The following PRKCB variants were observed in gnomAD, a reference collection of about 807,000 sequenced individuals.
The protein encoded by PRKCB is protein kinase C beta type.
Under a neutral mutation model 81.5 loss-of-function variants are expected in PRKCB, and 13 were observed. The ratio of observed to expected loss-of-function variants is 0.16; its 90% CI spans 0.10 to 0.25. The LOEUF (loss-of-function observed/expected upper bound fraction) is 0.25, where lower values mean the gene tolerates loss of function less well. Ranked by LOEUF, PRKCB falls within the 10% of genes least tolerant of loss-of-function variation. The pLI is 1.00. For synonymous variants in PRKCB, 335 were observed against 321.4 expected (o/e 1.04, Z -0.45); for missense variants, 509 against 875.7 (o/e 0.58, Z 5.29).
At chr16:23,838,321 C>T (rs1175003228) in intron 2 of PRKCB, among the ~76,000 whole-genome samples, 2 of 152,138 alleles carry the variant, frequency 1.3e-5, no homozygotes, top group African/African-American at 4.8e-5. Context: ...AGCTGAGAGC[C>T]GTCGTCGTAG....
At position 23,999,491 on chromosome 16, in the gene PRKCB, A is replaced by G. The variant is rs546453041; in HGVS notation, c.288+10901A>G. ...AACCTAGCTACTGAGCCAACCATTCAATAACAATGAGAATAGACAACATTT... is the reference window on the plus strand; with the variant it reads ...AACCTAGCTACTGAGCCAACCATTCGATAACAATGAGAATAGACAACATTT... On this transcript the variant is annotated intron_variant, in intron 3 of 16. Coordinates refer to ENST00000643927, the MANE Select transcript of PRKCB (RefSeq NM_002738.7). Among the ~76,000 whole-genome samples the G allele has an allele frequency of 3.9e-5, 6 of 152,340 alleles. No homozygotes were observed. The South Asian group carries it at 1.2e-3, about 32-fold the overall frequency.
chr16:24,108,369 T>A (rs1469572127), intron 7 of PRKCB, among the ~76,000 whole-genome samples: 1 of 148,682 alleles, frequency 6.7e-6, no homozygotes, highest in Admixed American at 6.7e-5. Context: ...TTATTTATTT[T>A]TTATTGATAA....
At chr16:23,924,851 A>G (rs1330357895) in intron 2 of PRKCB, among the ~76,000 whole-genome samples, 1 of 152,116 alleles carries the variant, frequency 6.6e-6, no homozygotes, top group East Asian at 1.9e-4. Context: ...GATGTATACA[A>G]TTTTTACTTG....
intron 5 of PRKCB, among the ~76,000 whole-genome samples, chr16:24,051,698 AC>A (rs1449615863): frequency 1.3e-5 from 2 of 151,664 alleles, no homozygotes; most frequent in South Asian, 2.1e-4. Flanking sequence ...ACATAGTGAG[AC>A]CCCTGTCCCT....
rs1054756319 is a variant in PRKCB at position 24,185,382 on chromosome 16, A to C, written c.1615-78A>C. Reference sequence around the variant, plus strand: ...GGCTTCACTGTGGGCCCCAGGGAGGAGGGTCTGCCAGTTGAGGGGAGCTAG... The same window carrying C: ...GGCTTCACTGTGGGCCCCAGGGAGGCGGGTCTGCCAGTTGAGGGGAGCTAG... On this transcript the variant is annotated intron_variant, in intron 14 of 16. Coordinates refer to ENST00000643927, the MANE Select transcript of PRKCB (RefSeq NM_002738.7). The C allele has an allele frequency of 1.5e-5, 20 of 1,362,206 alleles. No homozygotes were observed. The African/African-American group carries it at 2.6e-4, about 18-fold the overall frequency. 84.4% of individuals were successfully genotyped at this position (1,362,206 alleles called of 1,614,324 possible). A position where few individuals can be genotyped will look rare whatever the true frequency, so the allele number is the denominator to read the frequency against.
chr16:24,158,216 A>G (rs1158897762), intron 10 of PRKCB, among the ~76,000 whole-genome samples: 3 of 152,220 alleles, frequency 2.0e-5, no homozygotes, highest in East Asian at 3.8e-4. Context: ...GCATATGCTC[A>G]TTGAGTGAAA....
rs1963386205 is a variant in PRKCB at position 23,896,868 on chromosome 16, TCATCCATCCATCCAACCATCCATCCATC to T, written c.205+59477_205+59504del. Among the ~76,000 whole-genome samples, 4 of 149,138 alleles carry T rather than the reference TCATCCATCCATCCAACCATCCATCCATC, an allele frequency of 2.7e-5. No individual in the cohort carries two copies. In the South Asian group the frequency reaches 6.5e-4, roughly 24 times the overall value. On this transcript the variant is annotated intron_variant, in intron 2 of 16. Coordinates refer to ENST00000643927, the MANE Select transcript of PRKCB (RefSeq NM_002738.7). ...TCTGAAGAGTCAGCTGGAAGGCTCT[TCATCCATCCATCCAACCATCCATCCATC>T]CATCCATCCATCCATCCATCCATCC... is the stretch of plus-strand genomic sequence containing the variant.
At chr16:24,093,172 T>C (rs1966397698) in intron 6 of PRKCB, among the ~76,000 whole-genome samples, 1 of 152,032 alleles carries the variant, frequency 6.6e-6, no homozygotes, top group East Asian at 1.9e-4. Flanking sequence ...TTAATAGAGA[T>C]GAGAATGCCT....
chr16:24,060,472 T>A (rs1027527057), intron 5 of PRKCB, among the ~76,000 whole-genome samples: 5 of 152,200 alleles, frequency 3.3e-5, no homozygotes, highest in African/African-American at 1.2e-4. Context: ...TCCTCCCTTA[T>A]GCATGTATCA....
At chr16:24,029,820 A>C (rs1488975396) in intron 3 of PRKCB, among the ~76,000 whole-genome samples, 1 of 152,224 alleles carries the variant, frequency 6.6e-6, no homozygotes, top group African/African-American at 2.4e-5. Context: ...AACTGGTAGC[A>C]TGTACCAAAG....
chr16:24,075,851 A>G (rs555997594), intron 5 of PRKCB, among the ~76,000 whole-genome samples: 10 of 152,320 alleles, frequency 6.6e-5, no homozygotes, highest in African/African-American at 2.4e-4. Context: ...GTCACATCAG[A>G]GTCATCTGGA....
At chr16:23,886,185 G>A (rs943122109) in intron 2 of PRKCB, among the ~76,000 whole-genome samples, 1 of 152,108 alleles carries the variant, frequency 6.6e-6, no homozygotes, top group African/African-American at 2.4e-5. Context: ...CTTTGCTGTT[G>A]GTTGGCATTA....
Position 24,154,793 on chromosome 16 carries a change from G to A in PRKCB, c.1175G>A (p.Arg392Gln), listed in dbSNP as rs775901586. ...GTGGAGTGCACTATGGTGGAGAAGCGGGTGTTGGCCCTGCCTGGGAAGCCG... is the reference window on the plus strand; with the variant it reads ...GTGGAGTGCACTATGGTGGAGAAGCAGGTGTTGGCCCTGCCTGGGAAGCCG... The part of the protein sequence containing the change: ...DDVECTMVEK[R>Q]VLALPGKPPF... The change falls in exon 10 of 17, where the codon CGG becomes CAG. Residue 392 changes from arginine to glutamine, a missense_variant. Physicochemically the swap from Arg to Gln is conservative, Grantham distance 43. Transcript: ENST00000643927. The A allele has an allele frequency of 2.5e-6, 4 of 1,614,086 alleles. No homozygotes were observed. The highest frequency in any genetic ancestry group is 1.1e-5 in the South Asian group (1 of 91,092).
At chr16:23,994,043 T>C (rs2141825672) in intron 3 of PRKCB, among the ~76,000 whole-genome samples, 1 of 152,338 alleles carries the variant, frequency 6.6e-6, no homozygotes, top group Non-Finnish European at 1.5e-5. Flanking sequence ...AGAAAGCGAT[T>C]ATACTGCTAA....
chr16:24,187,508 A>G (rs536264911), intron 15 of PRKCB, among the ~76,000 whole-genome samples: 2 of 152,144 alleles, frequency 1.3e-5, no homozygotes, highest in Non-Finnish European at 2.9e-5. Context: ...TACTATTACT[A>G]GTGCTGACGC....
chr16:23,915,903 A>G (rs1458124654), intron 2 of PRKCB, among the ~76,000 whole-genome samples: 3 of 152,064 alleles, frequency 2.0e-5, no homozygotes, highest in Admixed American at 2.0e-4. Context: ...ATTTTAATCA[A>G]TCTACATTTA....
At chr16:23,859,810 C>T (rs1407808325) in intron 2 of PRKCB, among the ~76,000 whole-genome samples, 6 of 151,678 alleles carry the variant, frequency 4.0e-5, no homozygotes, top group Non-Finnish European at 8.8e-5. Flanking sequence ...GAGAGAAAGA[C>T]CTCCAGGTTC....
chr16:24,198,783 T>G (rs1439069753), intron 16 of PRKCB, among the ~76,000 whole-genome samples: 1 of 152,216 alleles, frequency 6.6e-6, no homozygotes, highest in Admixed American at 6.5e-5. Flanking sequence ...TTCTAAAATA[T>G]GATGCATCTG....
chr16:24,154,654 C>A (rs184106438), intron 9 of PRKCB, 30 bp from the exon 10 acceptor site: 7 of 1,611,028 alleles, frequency 4.3e-6, no homozygotes, highest in Middle Eastern at 1.7e-4. Context: ...CTCCTTCCAA[C>A]TGCCCTGACA....
Sources: gnomAD v4.1 joint callset for allele counts (sites outside exome capture counted in the v4.1 genomes callset) on GRCh38, gnomAD v4.1.1 for gene constraint, MANE v1.5 for transcripts, NCBI Gene and HGNC (gene_info 2026-07-23, HGNC 2026-07-21) for gene names.